Variants in THSD4 observed in about 807,000 individuals in gnomAD.
THSD4 encodes thrombospondin type-1 domain-containing protein 4.
A neutral mutation model predicts 119.0 loss-of-function variants in THSD4; 69 were observed. The ratio of observed to expected loss-of-function variants is 0.58; its 90% CI spans 0.48 to 0.71. The LOEUF (loss-of-function observed/expected upper bound fraction) is 0.71. THSD4 is among the 30% of genes least tolerant of loss of function. The pLI, the probability that THSD4 is intolerant of heterozygous loss-of-function variation, is 0.00. For missense variants in THSD4, 1,393 were observed against 1,391.1 expected, an observed-to-expected ratio of 1.00 and a Z score of -0.02; for synonymous variants, 524 against 540.4, an observed-to-expected ratio of 0.97 and a Z score of 0.42.
chr15:71,441,751 C>T (rs1474881498), intron 7 of THSD4, among the ~76,000 whole-genome samples: 1 of 152,018 alleles, frequency 6.6e-6, no homozygotes, highest in Non-Finnish European at 1.5e-5. Flanking sequence ...TACCCTGCCT[C>T]TCAGGAGCTG....
intron 7 of THSD4, among the ~76,000 whole-genome samples, chr15:71,658,725 A>G (rs537770652): frequency 6.6e-6 from 1 of 152,276 alleles, no homozygotes; most frequent in African/African-American, 2.4e-5. Flanking sequence ...GATTTGAGGG[A>G]GGAGAAATAC....
chr15:71,748,294 C>A (rs2053377750), intron 13 of THSD4, 127 bp from the exon 14 acceptor site: 1 of 1,158,692 alleles, frequency 8.6e-7, no homozygotes, highest in Admixed American at 2.5e-5. Context: ...CCTGCCCCAG[C>A]TGGTGACATG....
intron 6 of THSD4, among the ~76,000 whole-genome samples, chr15:71,286,135 G>A (rs1295997652): frequency 6.6e-6 from 1 of 152,040 alleles, no homozygotes; most frequent in East Asian, 1.9e-4. Flanking sequence ...TACTATTACT[G>A]TTATCTGTTA....
chr15:71,719,914 G>C (rs1016731178), intron 8 of THSD4, among the ~76,000 whole-genome samples: 1 of 151,898 alleles, frequency 6.6e-6, no homozygotes. Context: ...GCTCGCAAAC[G>C]ATCTGCCTGC....
At chr15:71,486,615 T>G (rs1290835991) in intron 7 of THSD4, among the ~76,000 whole-genome samples, 76 of 48,390 alleles carry the variant, frequency 1.6e-3, no homozygotes, top group Admixed American at 0.012. Context: ...TTTTCTGTTT[T>G]TTTTTTTTTT....
At chr15:71,301,802 A>G (rs2044953754) in intron 6 of THSD4, among the ~76,000 whole-genome samples, 1 of 152,228 alleles carries the variant, frequency 6.6e-6, no homozygotes, top group East Asian at 1.9e-4. Context: ...TCCTGCCTGG[A>G]TACCTCAAGG....
intron 7 of THSD4, among the ~76,000 whole-genome samples, chr15:71,417,410 C>A (rs1171268401): frequency 1.9e-5 from 2 of 108,030 alleles, no homozygotes; most frequent in South Asian, 2.9e-4. Flanking sequence ...TTGATTTTTG[C>A]ATATGGTGAG....
intron 6 of THSD4, among the ~76,000 whole-genome samples, chr15:71,283,055 C>T (rs564962244): frequency 6.6e-6 from 1 of 151,608 alleles, no homozygotes; most frequent in South Asian, 2.1e-4. Context: ...CTGCAGCCTC[C>T]ACCTCCCGGG....
chr15:71,591,317 C>T (rs546702417), intron 7 of THSD4, among the ~76,000 whole-genome samples: 1 of 152,318 alleles, frequency 6.6e-6, no homozygotes, highest in Admixed American at 6.5e-5. Context: ...CAAGGCTGCC[C>T]TGTTGTGCCT....
At chr15:71,221,645 T>C (rs1484477785) in intron 4 of THSD4, among the ~76,000 whole-genome samples, 1 of 152,226 alleles carries the variant, frequency 6.6e-6, no homozygotes, top group Non-Finnish European at 1.5e-5. Flanking sequence ...TTCCATTGCA[T>C]GTATAGACCA....
At chr15:71,378,868 G>C (rs61425575) in intron 6 of THSD4, among the ~76,000 whole-genome samples, 89,395 of 151,994 alleles carry the variant, frequency 0.59, 26,453 homozygotes, top group East Asian at 0.74. Context: ...ACTGCAGCCT[G>C]GAACTCCGGA....
intron 8 of THSD4, among the ~76,000 whole-genome samples, chr15:71,705,389 A>G (rs2052374792): frequency 6.6e-6 from 1 of 152,232 alleles, no homozygotes; most frequent in African/African-American, 2.4e-5. Context: ...CTCAGACGCC[A>G]TTGGACTGAC....
chr15:71,484,796 G>A (rs534000379), intron 7 of THSD4, among the ~76,000 whole-genome samples: 1 of 152,302 alleles, frequency 6.6e-6, no homozygotes, highest in Admixed American at 6.5e-5. Context: ...TTGTGATGGA[G>A]TACGACCTGG....
chr15:71,447,745 A>G (rs978472630), intron 7 of THSD4, among the ~76,000 whole-genome samples: 1 of 152,194 alleles, frequency 6.6e-6, no homozygotes, highest in Admixed American at 6.5e-5. Context: ...ACCAAAAGAG[A>G]TACTGTTTTT....
At chr15:71,349,271 G>C (rs2140402792) in intron 6 of THSD4, among the ~76,000 whole-genome samples, 1 of 152,294 alleles carries the variant, frequency 6.6e-6, no homozygotes, top group East Asian at 1.9e-4. Context: ...ATACAGAAGT[G>C]GCCAGCCCAG....
intron 7 of THSD4, among the ~76,000 whole-genome samples, chr15:71,569,950 C>T (rs1437442894): frequency 2.0e-5 from 3 of 152,192 alleles, no homozygotes; most frequent in African/African-American, 4.8e-5. Context: ...GCTGTGATCG[C>T]GCCACTGCAT....
At chr15:71,311,365 G>A (rs1176930813) in intron 6 of THSD4, among the ~76,000 whole-genome samples, 1 of 152,196 alleles carries the variant, frequency 6.6e-6, no homozygotes, top group African/African-American at 2.4e-5. Context: ...GAAGGGGATA[G>A]CCATGAGCTC....
rs1228677712 is a variant in THSD4 at position 71,154,940 on chromosome 15, A to G, written c.99+8A>G. ...TCCACTCAACACAGGAAGGTAAGCC[A>G]TGGCCATCCAGAGGTTTTCTTCTCT... On this transcript the variant is annotated splice_region_variant and intron_variant, in intron 3 of 17. Transcript: ENST00000261862. 6 of 1,613,962 alleles carry G rather than the reference A, an allele frequency of 3.7e-6. No homozygotes were observed. The highest frequency in any genetic ancestry group is 5.1e-6 in the Non-Finnish European group (6 of 1,179,980).
Position 71,479,222 on chromosome 15 carries a change from T to A in THSD4, c.1152+67399T>A, listed in dbSNP as rs372701068. On this transcript the variant is annotated intron_variant, in intron 7 of 17. Coordinates refer to ENST00000261862, the MANE Select transcript of THSD4 (RefSeq NM_024817.3). ...TTTTTTGTCAGGTGTTTTCAATGAC[T>A]CCCCTACCTGAGTAAGGTACTAGAT... Among the ~76,000 whole-genome samples, 7 of 119,398 alleles carry A rather than the reference T, an allele frequency of 5.9e-5. No individual in the cohort carries two copies. In the East Asian group the frequency reaches 1.7e-3, roughly 29 times the overall value. 78.3% of individuals were successfully genotyped at this position (119,398 alleles called of 152,430 possible).
Sources: gnomAD v4.1 joint callset for allele counts (sites outside exome capture counted in the v4.1 genomes callset) on GRCh38, gnomAD v4.1.1 for gene constraint, MANE v1.5 for transcripts, NCBI Gene and HGNC (gene_info 2026-07-23, HGNC 2026-07-21) for gene names.